Variants in MAPKBP1 observed in about 807,000 individuals in gnomAD.
MAPKBP1 encodes mitogen-activated protein kinase-binding protein 1.
Under a neutral mutation model 170.5 loss-of-function variants are expected in MAPKBP1, and 71 were observed. The ratio of observed to expected loss-of-function variants is 0.42; its 90% confidence interval spans 0.34 to 0.51. The LOEUF is 0.51. Among genes scored for constraint, MAPKBP1 ranks in the 20% least tolerant of loss-of-function variants. The probability of loss-of-function intolerance (pLI) is 0.06; values close to 1 mark genes in which losing one functional copy is unlikely to be tolerated. For missense variants in MAPKBP1, 1,598 were observed against 1,933.0 expected (o/e 0.83, Z 3.25); for synonymous variants, 719 against 757.9 (o/e 0.95, Z 0.84).
At position 41,818,130 on chromosome 15, in the gene MAPKBP1, G is replaced by A; in HGVS notation, c.1980+46G>A. 1 of 1,610,636 alleles carries A rather than the reference G, an allele frequency of 6.2e-7. No homozygotes were observed. Among genetic ancestry groups the A allele is most frequent in the Non-Finnish European group, 8.5e-7 (1 of 1,176,834 alleles). ...CTGGACAGGGGCTCGGGGACAGAGT[G>A]GTGCTGGGTGGGAGGGACTGGTACT... On this transcript the variant is annotated intron_variant, in intron 17 of 30. Coordinates refer to ENST00000457542, the MANE Select transcript of MAPKBP1 (RefSeq NM_014994.3). This position sits in a 1 kb window ranked among gnomAD's most constrained non-coding sequence, Gnocchi z 5.2.
At chr15:41,793,860 ATGG>A (rs1211198534) in intron 2 of MAPKBP1, among the ~76,000 whole-genome samples, 1 of 152,196 alleles carries the variant, frequency 6.6e-6, no homozygotes, top group African/African-American at 2.4e-5. Flanking sequence ...GGTACTCACG[ATGG>A]TGGTTCTGTG....
Position 41,822,289 on chromosome 15 carries a change from G to A in MAPKBP1, c.3096G>A (p.Glu1032=). 6.2e-7 allele frequency: 1 copy of A among 1,614,098 alleles called. No individual in the cohort carries two copies. The highest frequency in any genetic ancestry group is 8.5e-7 in the Non-Finnish European group (1 of 1,180,016). The part of the protein sequence containing the change: ...GISSDLEEPA[E]GDEEEEEEEG... ...CCTCAGACCTTGAAGAGCCAGCTGA[G>A]GGTGATGAAGAAGAGGAAGAAGAGG... The change falls in exon 26 of 31, where the codon GAG becomes GAA. Residue 1032 remains glutamate, a synonymous_variant. Coordinates refer to ENST00000457542, the MANE Select transcript of MAPKBP1 (RefSeq NM_014994.3).
chr15:41,799,985 C>T (rs2064561701), intron 3 of MAPKBP1, 71 bp downstream of exon 3: 1 of 1,290,602 alleles, frequency 7.7e-7, no homozygotes, highest in Admixed American at 1.7e-5. Flanking sequence ...TTGGGATGGG[C>T]AGGGATTTTC....
rs970012940 is a variant in MAPKBP1 at position 41,776,057 on chromosome 15, C to T, written c.114+668C>T. On this transcript the variant is annotated intron_variant, in intron 2 of 30. Coordinates refer to ENST00000457542, the MANE Select transcript of MAPKBP1 (RefSeq NM_014994.3). ...GCAGATGATCCTCAGAGGCAAAGTT[C>T]CTTTCCATCGCTTCACTTGTCTGTG... Among the ~76,000 whole-genome samples, 3 of 152,356 alleles carry T rather than the reference C, an allele frequency of 2.0e-5. No homozygotes were observed. In the South Asian group the frequency reaches 6.2e-4, roughly 32 times the overall value.
chr15:41,820,956 T>C lies in MAPKBP1; in HGVS notation c.2606T>C (p.Leu869Pro). The stretch of plus-strand genomic sequence containing the variant: ...AGATCCATGCTGGATCTGCGGCAGC[T>C]GGAAACACTGGCCCCAAGCCTGCAG... Reference protein sequence around the residue: ...SVRSMLDLRQLETLAPSLQDP... With the variant: ...SVRSMLDLRQPETLAPSLQDP... The change falls in exon 23 of 31, where the codon CTG becomes CCG. Residue 869 changes from leucine (L) to proline (P), a missense_variant. Around this residue, in one of 6 missense-constraint regions of MAPKBP1, gnomAD observed 942 missense variants for 953.2 expected, o/e 0.99. Coordinates refer to ENST00000457542, the MANE Select transcript of MAPKBP1 (RefSeq NM_014994.3). 6.2e-7 allele frequency: 1 copy of C among 1,614,154 alleles called. No homozygotes were observed.
At chr15:41,820,723 T>G in intron 22 of MAPKBP1, 109 bp from the exon 23 acceptor site, 1 of 756,398 alleles carries the variant, frequency 1.3e-6, no homozygotes, top group Non-Finnish European at 2.2e-6. Flanking sequence ...GAGGATGAAG[T>G]AAGCTAGTAT....
chr15:41,796,387 T>C (rs1332605570), intron 2 of MAPKBP1, among the ~76,000 whole-genome samples: 1 of 152,196 alleles, frequency 6.6e-6, no homozygotes, highest in Non-Finnish European at 1.5e-5. Context: ...AGTCAGTTTA[T>C]GAAGTCCATC....
Position 41,825,788 on chromosome 15 carries a change from G to T in MAPKBP1, c.*352G>T, listed in dbSNP as rs1055654104. On this transcript the variant is annotated 3_prime_UTR_variant, in exon 31 of 31. Transcript: ENST00000457542. ...AGAAGCCATTTGAAATTACTGCAGG[G>T]ATTAGCTCCCTGTGGTGGAGCATAC... 16 of 211,156 alleles carry T rather than the reference G, an allele frequency of 7.6e-5. No homozygotes were observed. Among genetic ancestry groups the T allele is most frequent in the African/African-American group, 3.2e-4 (14 of 43,490 alleles). The allele number at this position is 211,156 out of a possible 1,614,324, so 13.1% of individuals were successfully genotyped here.
intron 2 of MAPKBP1, among the ~76,000 whole-genome samples, chr15:41,785,598 A>G (rs1850143346): frequency 6.6e-6 from 1 of 152,222 alleles, no homozygotes; most frequent in African/African-American, 2.4e-5. Context: ...TGAGAAATGA[A>G]TTAGCCTTTT....
chr15:41,776,831 A>G (rs979458404), intron 2 of MAPKBP1, among the ~76,000 whole-genome samples: 3 of 152,208 alleles, frequency 2.0e-5, no homozygotes, highest in African/African-American at 7.2e-5. Flanking sequence ...GACTTCCAAT[A>G]TCATCCATTA....
chr15:41,785,073 A>G (rs2064260670), intron 2 of MAPKBP1, among the ~76,000 whole-genome samples: 2 of 152,152 alleles, frequency 1.3e-5, no homozygotes, highest in Non-Finnish European at 2.9e-5. Flanking sequence ...ACACATTGTA[A>G]GTTTTAAATA....
intron 10 of MAPKBP1, 21 bp from the exon 11 acceptor site, chr15:41,815,238 G>T: frequency 6.2e-7 from 1 of 1,613,926 alleles, no homozygotes; most frequent in Non-Finnish European, 8.5e-7. Flanking sequence ...AGGTCTGATT[G>T]TGTTCCCTCG....
rs1193280630 is a variant in MAPKBP1, at chr15:41,819,643, T to C, written c.2474T>C (p.Met825Thr). 6.2e-7 allele frequency: 1 copy of C among 1,607,888 alleles called. No individual in the cohort carries two copies. Among genetic ancestry groups the C allele is most frequent in the East Asian group, 2.2e-5 (1 of 44,726 alleles). Residue 825 changes from methionine (M) to threonine (T), a missense_variant, in exon 22 of 31, where the codon ATG becomes ACG. By Grantham distance (81) the Met-to-Thr change is moderately conservative (BLOSUM62 -1). This residue lies in a region of MAPKBP1 where 942 missense variants were observed against 953.2 expected (regional missense o/e 0.99). Coordinates refer to ENST00000457542, the MANE Select transcript of MAPKBP1 (RefSeq NM_014994.3). ...CCCCGAAGCCTGTCCCACTGGGAGA[T>C]GAGTCGGGTGAGTCGCCATTGTTAA... is the stretch of plus-strand genomic sequence containing the variant. ...ALPRSLSHWE[M>T]SRAQESVGFL... is the part of the protein sequence containing the mutation.
At chr15:41,782,960 G>C (rs2064216745) in intron 2 of MAPKBP1, among the ~76,000 whole-genome samples, 1 of 152,154 alleles carries the variant, frequency 6.6e-6, no homozygotes, top group Non-Finnish European at 1.5e-5. Flanking sequence ...CAGATTTCCT[G>C]AACTTTTGTT....
chr15:41,782,062 C>T (rs1370262232), intron 2 of MAPKBP1, among the ~76,000 whole-genome samples: 2 of 142,062 alleles, frequency 1.4e-5, no homozygotes, highest in Non-Finnish European at 1.5e-5. Context: ...TCCTGGCTAA[C>T]ACGGTGAAAC....
intron 27 of MAPKBP1, 53 bp downstream of exon 27, chr15:41,822,730 G>C: frequency 6.3e-7 from 1 of 1,596,292 alleles, no homozygotes; most frequent in Non-Finnish European, 8.6e-7. Context: ...TCGCCTCCCA[G>C]GGCTGCTGCC....
chr15:41,823,893 C>G lies in MAPKBP1; in HGVS notation c.4045C>G (p.Pro1349Ala). ...TTTGGGGGAGGGCACCACTCCCAAG[C>G]CTAGGACAGAGTGCCAGGCTCATCC... ...ACLGEGTTPK[P>A]RTECQAHPGP... The change falls in exon 29 of 31, where the codon CCT (proline) becomes GCT (alanine). Residue 1349 changes from proline (P) to alanine (A), a missense_variant. Around this residue, in one of 6 missense-constraint regions of MAPKBP1, gnomAD observed 942 missense variants for 953.2 expected, o/e 0.99. Coordinates refer to ENST00000457542, the MANE Select transcript of MAPKBP1 (RefSeq NM_014994.3). 6.2e-7 allele frequency: 1 copy of G among 1,614,194 alleles called. No homozygotes were observed. Among genetic ancestry groups the G allele is most frequent in the Non-Finnish European group, 8.5e-7 (1 of 1,180,038 alleles).
At chr15:41,778,312 A>G (rs985652668) in intron 2 of MAPKBP1, among the ~76,000 whole-genome samples, 1 of 152,240 alleles carries the variant, frequency 6.6e-6, no homozygotes, top group African/African-American at 2.4e-5. Context: ...AATGGTGACA[A>G]AGAAGTAGAG....
chr15:41,782,924 C>T (rs559388812), intron 2 of MAPKBP1, among the ~76,000 whole-genome samples: 2 of 152,282 alleles, frequency 1.3e-5, no homozygotes, highest in East Asian at 1.9e-4. Flanking sequence ...CATCTATATC[C>T]TTACTCCTCT....
Sources: gnomAD v4.1 joint callset for allele counts (sites outside exome capture counted in the v4.1 genomes callset) on GRCh38, gnomAD v4.1.1 for gene constraint, gnomAD v4.1.1 regional missense constraint, Gnocchi (gnomAD v3.1) non-coding constraint, MANE v1.5 for transcripts, NCBI Gene and HGNC (gene_info 2026-07-23, HGNC 2026-07-21) for gene names.